The following STAU1 variants were observed in gnomAD, a reference collection of about 807,000 sequenced individuals.
STAU1 encodes staufen double-stranded RNA binding protein 1.
Under a neutral mutation model 62.9 loss-of-function variants are expected in STAU1, and 13 were observed. That is an observed-to-expected ratio of 0.21 (90% CI 0.13 to 0.33). The LOEUF (loss-of-function observed/expected upper bound fraction) is 0.33, where lower values mean the gene tolerates loss of function less well. STAU1 is among the 10% of genes least tolerant of loss of function. STAU1 has a pLI of 1.00. For missense variants in STAU1, 571 were observed against 712.1 expected (o/e 0.80, Z 2.25); for synonymous variants, 269 against 265.1 (o/e 1.01, Z -0.14).
the STAU1 span, among the ~76,000 whole-genome samples, chr20:49,201,044 C>CAATAAAAAAAAA: frequency 3.2e-5 from 1 of 31,500 alleles, no homozygotes; most frequent in Non-Finnish European, 5.6e-5. Context: ...GACCCACTCT[C>CAATAAAAAAAAA]AAAAAAAAAA....
upstream of STAU1, among the ~76,000 whole-genome samples, chr20:49,188,847 G>A (rs2093822411): frequency 6.6e-6 from 1 of 151,920 alleles, no homozygotes; most frequent in Admixed American, 6.6e-5. Context: ...CCCTCGTGGA[G>A]CTTACATTCT....
At chr20:49,171,436 C>T (rs2093595328) in intron 2 of STAU1, among the ~76,000 whole-genome samples, 1 of 152,166 alleles carries the variant, frequency 6.6e-6, no homozygotes, top group Admixed American at 6.5e-5. Flanking sequence ...GCTGGGACTA[C>T]AGGTGCCCGC....
intron 4 of STAU1, among the ~76,000 whole-genome samples, 194 bp downstream of exon 4, chr20:49,153,739 A>G (rs866698017): frequency 9.6e-4 from 139 of 145,314 alleles, no homozygotes; most frequent in Non-Finnish European, 1.3e-3. Flanking sequence ...AAAAAAAAAA[A>G]AAAGAAAGAA....
intron 6 of STAU1, chr20:49,134,973 A>C: frequency 6.2e-7 from 1 of 1,603,042 alleles, no homozygotes; most frequent in Non-Finnish European, 8.5e-7. Context: ...TGCTTTGTGA[A>C]GAGACAGTTC....
the STAU1 span, among the ~76,000 whole-genome samples, chr20:49,197,262 G>GAA: frequency 7.7e-5 from 7 of 90,472 alleles, no homozygotes; most frequent in African/African-American, 1.3e-4. Flanking sequence ...CAGTAGTTAA[G>GAA]AAAAAAAAAA....
In STAU1 at chr20:49,117,216, C is replaced by T. The variant is rs759473724; in HGVS notation, c.1542G>A (p.Lys514=). The T allele has an allele frequency of 6.2e-7, 1 of 1,614,124 alleles. No individual in the cohort carries two copies. Among genetic ancestry groups the T allele is most frequent in the East Asian group, 2.2e-5 (1 of 44,876 alleles). Residue 514 remains lysine, a synonymous_variant, in exon 12 of 14, where the codon AAG becomes AAA. Coordinates refer to ENST00000371856, the MANE Select transcript of STAU1 (RefSeq NM_017453.4). The surrounding 1 kb of genome is among the most constrained non-coding windows in gnomAD (Gnocchi z 4.6). ...AATTGATAAGAGATACAAATTCGTTCTTGTTGTTTTTGGGGAAGTCTTTGT... is the reference window on the plus strand; with the variant it reads ...AATTGATAAGAGATACAAATTCGTTTTTGTTGTTTTTGGGGAAGTCTTTGT... The part of the protein sequence containing the change: ...VEYKDFPKNN[K]NEFVSLINCS...
In STAU1 at chr20:49,154,012, T is replaced by C. The variant is rs1468998197; in HGVS notation, c.265A>G (p.Met89Val). The change falls in exon 4 of 14, where the codon ATG (methionine) becomes GTG (valine). Residue 89 changes from methionine (M) to valine (V), a missense_variant. Physicochemically the swap from Met to Val is conservative, Grantham distance 21. Around this residue, in one of 3 missense-constraint regions of STAU1, gnomAD observed 414 missense variants for 499.6 expected, o/e 0.83. Transcript: ENST00000371856. ...ALCMKLGKKP[M>V]YKPVDPYSRM... ...GAGTAAGGGTCAACAGGCTTATACA[T>C]TGGTTTTTTTCCAAGTTTCATGCAC... The C allele has an allele frequency of 4.3e-6, 7 of 1,613,780 alleles. No homozygotes were observed. The highest frequency in any genetic ancestry group is 2.2e-5 in the East Asian group (1 of 44,872).
At chr20:49,163,167 G>A (rs1044715487) in intron 3 of STAU1, among the ~76,000 whole-genome samples, 7 of 151,788 alleles carry the variant, frequency 4.6e-5, no homozygotes, top group South Asian at 2.1e-4. Flanking sequence ...ACTCTAGCCC[G>A]GCGACAGAGC....
At chr20:49,152,428 C>T (rs946392125) in intron 4 of STAU1, among the ~76,000 whole-genome samples, 4 of 148,928 alleles carry the variant, frequency 2.7e-5, no homozygotes, top group African/African-American at 1.0e-4. Context: ...ACTGCAACCT[C>T]CGCTTCCTGG....
At chr20:49,149,109 G>C (rs1424532078) in intron 5 of STAU1, among the ~76,000 whole-genome samples, 2 of 152,014 alleles carry the variant, frequency 1.3e-5, no homozygotes, top group African/African-American at 4.8e-5. Context: ...AAATTAGCTG[G>C]GCGTGGTGGT....
intron 6 of STAU1, 101 bp from the exon 7 acceptor site, chr20:49,124,688 C>G (rs1392781189): frequency 8.2e-7 from 1 of 1,223,912 alleles, no homozygotes; most frequent in African/African-American, 1.5e-5. Flanking sequence ...GGAAGGGGAA[C>G]CAAGGACAAG....
intron 6 of STAU1, among the ~76,000 whole-genome samples, chr20:49,128,334 A>G (rs933895335): frequency 6.6e-6 from 1 of 152,098 alleles, no homozygotes. Context: ...CTAAAATCAA[A>G]TAAAATAAAC....
In STAU1 at chr20:49,116,501, A is replaced by AT. The variant is rs199876707; in HGVS notation, c.1632+624dup. On this transcript the variant is annotated intron_variant, in intron 12 of 13. Transcript: ENST00000371856. ...AGGCACCCACCACCACACCTGGCTA[A>AT]TTTTTTTTTGTATTTTTAGTAGAGA... Among the ~76,000 whole-genome samples the AT allele has an allele frequency of 1.8e-3, 276 of 150,832 alleles. 3 individuals are homozygous for AT. In the East Asian group the frequency reaches 0.042, roughly 23 times the overall value.
chr20:49,214,975 T>A, the STAU1 span, among the ~76,000 whole-genome samples: 1 of 152,214 alleles, frequency 6.6e-6, no homozygotes, highest in Non-Finnish European at 1.5e-5. Flanking sequence ...TTCAACAACA[T>A]AGCAGACAAT....
At chr20:49,187,967 G>C in intron 1 of STAU1, 149 bp downstream of exon 1, 1 of 151,864 alleles carries the variant, frequency 6.6e-6, no homozygotes, top group Non-Finnish European at 1.5e-5. Flanking sequence ...GCCTCCTCCG[G>C]GAAGGCCCCG....
chr20:49,125,345 A>C (rs916180635), intron 6 of STAU1, among the ~76,000 whole-genome samples: 4 of 151,358 alleles, frequency 2.6e-5, no homozygotes, highest in African/African-American at 9.7e-5. Flanking sequence ...CCTGGCCAAC[A>C]TGGTGAAACC....
At position 49,150,840 on chromosome 20, in the gene STAU1, C is replaced by A. The variant is rs186884489; in HGVS notation, c.510+742G>T. Among the ~76,000 whole-genome samples the A allele has an allele frequency of 3.2e-3, 488 of 152,208 alleles. 2 individuals carry two copies. Among genetic ancestry groups the A allele is most frequent in the African/African-American group, 0.011 (476 of 41,530 alleles). ...TAGGATGCTTACTCTTGGCAACCAG[C>A]CACCATAACATGAAGAAGTATAAGC... On this transcript the variant is annotated intron_variant, in intron 5 of 13. Coordinates refer to ENST00000371856, the MANE Select transcript of STAU1 (RefSeq NM_017453.4).
chr20:49,134,628 A>G (rs2092833170), intron 6 of STAU1: 13 of 1,257,160 alleles, frequency 1.0e-5, no homozygotes, highest in Admixed American at 3.4e-5. Flanking sequence ...TATTACTTCA[A>G]GGCCAATGTC....
the STAU1 span, among the ~76,000 whole-genome samples, chr20:49,208,326 A>T: frequency 6.6e-6 from 1 of 151,824 alleles, no homozygotes; most frequent in African/African-American, 2.4e-5. Flanking sequence ...CCAAAGTGCT[A>T]GGATTACAGG....
Sources: gnomAD v4.1 joint callset for allele counts (sites outside exome capture counted in the v4.1 genomes callset) on GRCh38, gnomAD v4.1.1 for gene constraint, gnomAD v4.1.1 regional missense constraint, Gnocchi (gnomAD v3.1) non-coding constraint, MANE v1.5 for transcripts, NCBI Gene and HGNC (gene_info 2026-07-23, HGNC 2026-07-21) for gene names.